ZC3HC1: variants seen among roughly 807,000 people sequenced by gnomAD.
The protein encoded by ZC3HC1 is zinc finger C3HC-type containing 1, also known as zinc finger C3HC-type protein 1.
Under a neutral mutation model 61.9 loss-of-function variants are expected in ZC3HC1, and 38 were observed. The ratio of observed to expected loss-of-function variants is 0.61; its 90% CI spans 0.47 to 0.81. The LOEUF is 0.81. ZC3HC1 is among the 30% of genes least tolerant of loss of function. ZC3HC1 has a pLI of 0.00. For missense variants in ZC3HC1, 554 were observed against 622.7 expected (o/e 0.89, Z 1.17); for synonymous variants, 213 against 229.9 (o/e 0.93, Z 0.67).
In ZC3HC1 at chr7:130,042,121, G is replaced by A. The variant is rs528216161; in HGVS notation, c.259-1020C>T. 6.6e-5 allele frequency among the ~76,000 whole-genome samples: 10 copies of A among 151,862 alleles called. No individual in the cohort carries two copies. The South Asian group carries it at 1.0e-3, about 16-fold the overall frequency. On this transcript the variant is annotated intron_variant, in intron 2 of 9. Transcript: ENST00000358303. ...AGTTGAAGATCAGCCTGGGCAACAC[G>A]GCGACACCTCATCTCTATTGAAAAT...
chr7:130,026,472 C>T (rs1423901195), intron 5 of ZC3HC1, 160 bp from the exon 6 acceptor site: 2 of 686,342 alleles, frequency 2.9e-6, no homozygotes, highest in Non-Finnish European at 4.6e-6. Flanking sequence ...AGGGACAGGG[C>T]TATAGTATCA....
In ZC3HC1 at chr7:130,040,983, G is replaced by A. The variant is rs1448291615; in HGVS notation, c.377C>T (p.Ala126Val). 2.5e-6 allele frequency: 4 copies of A among 1,612,700 alleles called. No homozygotes were observed. The highest frequency in any genetic ancestry group is 2.7e-5 in the African/African-American group (2 of 74,806). ...KCSSCQAFLC[A>V]SLQPAFDFDR... ...AAAGTCAAAAGCTGGTTGTAAACTG[G>A]CACAGAGAAAAGCTTGACAGCTAGA... Residue 126 changes from alanine to valine, a missense_variant, in exon 3 of 10, where the codon GCC (alanine) becomes GTC (valine). Physicochemically the swap from Ala to Val is moderately conservative, Grantham distance 64. Coordinates refer to ENST00000358303, the MANE Select transcript of ZC3HC1 (RefSeq NM_016478.5).
At chr7:130,031,321 T>C (rs1308228630) in intron 4 of ZC3HC1, among the ~76,000 whole-genome samples, 2 of 54,350 alleles carry the variant, frequency 3.7e-5, no homozygotes, top group Non-Finnish European at 8.8e-5. Context: ...CAAAACTCCA[T>C]CTCAAAAAAA....
chr7:130,037,720 T>A (rs1451835103), intron 4 of ZC3HC1, among the ~76,000 whole-genome samples: 1 of 152,186 alleles, frequency 6.6e-6, no homozygotes, highest in Admixed American at 6.6e-5. Context: ...TAGTGGTAAA[T>A]CATGGAATAT....
chr7:130,023,681 A>G lies in ZC3HC1; in HGVS notation c.1063T>C (p.Trp355Arg), dbSNP rs750920135. 1.9e-6 allele frequency: 3 copies of G among 1,614,232 alleles called. No individual in the cohort carries two copies. The highest frequency in any genetic ancestry group is 1.1e-5 in the South Asian group (1 of 91,086). ...CGGTCAACAGGACTGGAAGAGTCCC[A>G]GCTCCGAGTTCGAGAGACAATGGGA... ...PGPIVSRTRS[W>R]DSSSPVDRPE... The change falls in exon 8 of 10, where the codon TGG (tryptophan) becomes CGG (arginine). Residue 355 changes from tryptophan to arginine, a missense_variant. Trp to Arg is a moderately radical substitution (Grantham distance 101, BLOSUM62 -3). Coordinates refer to ENST00000358303, the MANE Select transcript of ZC3HC1 (RefSeq NM_016478.5). This position sits in a 1 kb window ranked among gnomAD's most constrained non-coding sequence, Gnocchi z 4.2.
In ZC3HC1 at chr7:130,051,249, T is replaced by TG. The variant is rs1795064104; in HGVS notation, c.117_118insC (p.Ile40HisfsTer21). On this transcript the variant is annotated frameshift_variant, in exon 1 of 10. Transcript: ENST00000358303. LOFTEE classifies it high-confidence loss of function. Reference sequence around the variant, plus strand: ...TCCACGCCTCCCTCTTCCGGGGCAATCCCCTCATCTATCAGCTGCCGGATT... The same window carrying TG: ...TCCACGCCTCCCTCTTCCGGGGCAATGCCCCTCATCTATCAGCTGCCGGATT... 2 of 1,610,722 alleles carry TG rather than the reference T, an allele frequency of 1.2e-6. No individual in the cohort carries two copies. Among genetic ancestry groups the TG allele is most frequent in the Non-Finnish European group, 1.7e-6 (2 of 1,178,616 alleles).
chr7:130,026,839 G>C (rs1012464592), intron 5 of ZC3HC1: 1 of 152,136 alleles, frequency 6.6e-6, no homozygotes, highest in Non-Finnish European at 1.5e-5. Context: ...GCGTGGTGGC[G>C]GGCACCTGTA....
In ZC3HC1 at chr7:130,018,403, C is replaced by G. The variant is rs532119506; in HGVS notation, c.*261G>C. The G allele has an allele frequency of 3.5e-4, 139 of 398,234 alleles. 1 individual carries two copies. The highest frequency in any genetic ancestry group is 4.6e-4 in the Non-Finnish European group (101 of 220,462). 24.7% of individuals were successfully genotyped at this position (398,234 alleles called of 1,614,324 possible). A position where few individuals can be genotyped will look rare whatever the true frequency, so the allele number is the denominator to read the frequency against. On this transcript the variant is annotated 3_prime_UTR_variant, in exon 10 of 10. Transcript: ENST00000358303. ...AATGGGTGGTCAGGTCCTTAGTCTT[C>G]CTTCTAGTCTGTTAATCCCACACTC...
Position 130,041,106 on chromosome 7 carries a change from C to A in ZC3HC1, c.259-5G>T, listed in dbSNP as rs766877283. On this transcript the variant is annotated splice_polypyrimidine_tract_variant and splice_region_variant and intron_variant, in intron 2 of 9. Coordinates refer to ENST00000358303, the MANE Select transcript of ZC3HC1 (RefSeq NM_016478.5). ...CTTACCTGCCCATTTCAAAGAGTATCCATGTTAAGAAAAACAACACAGCAA... is the reference window on the plus strand; with the variant it reads ...CTTACCTGCCCATTTCAAAGAGTATACATGTTAAGAAAAACAACACAGCAA... 1 of 1,607,304 alleles carries A rather than the reference C, an allele frequency of 6.2e-7. No homozygotes were observed. The highest frequency in any genetic ancestry group is 1.1e-5 in the South Asian group (1 of 89,824).
intron 4 of ZC3HC1, among the ~76,000 whole-genome samples, chr7:130,030,728 C>G (rs1383863583): frequency 6.7e-6 from 1 of 150,222 alleles, no homozygotes; most frequent in Non-Finnish European, 1.5e-5. Context: ...AGTGCAGTGG[C>G]GTGATCTCGG....
At chr7:130,035,077 A>G (rs189125939) in intron 4 of ZC3HC1, among the ~76,000 whole-genome samples, 1 of 151,806 alleles carries the variant, frequency 6.6e-6, no homozygotes, top group East Asian at 1.9e-4. Flanking sequence ...GCTTTTACCC[A>G]CTGTTGCTGG....
chr7:130,028,494 A>G (rs1286940248), intron 5 of ZC3HC1, among the ~76,000 whole-genome samples: 2 of 152,064 alleles, frequency 1.3e-5, no homozygotes, highest in Non-Finnish European at 2.9e-5. Context: ...GTGAGCCGAG[A>G]TTACACTATT....
intron 9 of ZC3HC1, among the ~76,000 whole-genome samples, chr7:130,020,093 G>C (rs1345212755): frequency 6.6e-6 from 1 of 151,918 alleles, no homozygotes; most frequent in Non-Finnish European, 1.5e-5. Flanking sequence ...GGGATTACAG[G>C]CGTGAGCCAC....
At chr7:130,043,695 G>A (rs1191268550) in intron 2 of ZC3HC1, 2 of 341,778 alleles carry the variant, frequency 5.9e-6, no homozygotes, top group Non-Finnish European at 1.1e-5. Context: ...TCAGAGCCAG[G>A]AGGCTGCGAA....
chr7:130,020,395 G>C, intron 9 of ZC3HC1, among the ~76,000 whole-genome samples: 1 of 150,572 alleles, frequency 6.6e-6, no homozygotes, highest in Non-Finnish European at 1.5e-5. Context: ...CTGGAGTACT[G>C]GGATTACAGG....
chr7:130,045,223 A>G (rs1794815998), intron 2 of ZC3HC1: 1 of 181,570 alleles, frequency 5.5e-6, no homozygotes, highest in Admixed American at 5.6e-5. Flanking sequence ...CTTACTTTCA[A>G]ATAGCTCAGG....
At position 130,041,498 on chromosome 7, in the gene ZC3HC1, G is replaced by A. The variant is rs983688513; in HGVS notation, c.259-397C>T. ...ACTGCAAGTATATTAAAATGAATAA[G>A]TCATAAATTACAATCTTAACTCATT... On this transcript the variant is annotated intron_variant, in intron 2 of 9. Coordinates refer to ENST00000358303, the MANE Select transcript of ZC3HC1 (RefSeq NM_016478.5). 2.0e-5 allele frequency among the ~76,000 whole-genome samples: 3 copies of A among 148,040 alleles called. No individual in the cohort carries two copies. The South Asian group carries it at 6.5e-4, about 32-fold the overall frequency.
intron 2 of ZC3HC1, among the ~76,000 whole-genome samples, chr7:130,047,539 C>A (rs1372446495): frequency 6.6e-6 from 1 of 152,088 alleles, no homozygotes; most frequent in Non-Finnish European, 1.5e-5. Flanking sequence ...GGTTTGGCGG[C>A]TCAGGCCTGT....
chr7:130,040,762 C>A (rs1794623224), intron 3 of ZC3HC1, among the ~76,000 whole-genome samples, 189 bp downstream of exon 3: 1 of 147,912 alleles, frequency 6.8e-6, no homozygotes, highest in African/African-American at 2.5e-5. Context: ...GTTGTAATTG[C>A]ACTATTACAT....
Sources: allele counts gnomAD v4.1 joint callset (sites outside exome capture counted in the v4.1 genomes callset), GRCh38; gene constraint gnomAD v4.1.1; non-coding constraint Gnocchi (gnomAD v3.1); transcripts MANE v1.5; gene names NCBI Gene and HGNC (gene_info 2026-07-23, HGNC 2026-07-21).